Variants in RBFOX1 observed in about 807,000 individuals in gnomAD.
The protein encoded by RBFOX1 is RNA binding fox-1 homolog 1.
In RBFOX1, 8 loss-of-function variants were observed where a neutral mutation model predicts 57.7. That is an observed-to-expected ratio of 0.14 (90% CI 0.08 to 0.25). The LOEUF (loss-of-function observed/expected upper bound fraction) is 0.25. Ranked by LOEUF, RBFOX1 falls within the 10% of genes least tolerant of loss-of-function variation. RBFOX1 has a pLI of 1.00. For synonymous variants in RBFOX1, 326 were observed against 222.4 expected, an observed-to-expected ratio of 1.47 and a Z score of -4.15; for missense variants, 611 against 548.5, an observed-to-expected ratio of 1.11 and a Z score of -1.14.
chr16:7,440,414 C>G (rs1295829951), intron 4 of RBFOX1, among the ~76,000 whole-genome samples: 1 of 152,072 alleles, frequency 6.6e-6, no homozygotes, highest in Non-Finnish European at 1.5e-5. Flanking sequence ...AGAAGAAAAT[C>G]TCTCCCAAGC....
chr16:5,562,162 A>G (rs909577150), intron 2 of RBFOX1, among the ~76,000 whole-genome samples: 6 of 152,192 alleles, frequency 3.9e-5, no homozygotes, highest in African/African-American at 1.4e-4. Flanking sequence ...CATTCAGGAA[A>G]AAGAAAGATT....
rs550500630 is a variant in RBFOX1, at chr16:7,392,609, G to C, written c.28-125538G>C. ...ATGGCCCCTCCTTCTTCTTGGGCTA[G>C]AGTCAGAGCCACTTTCTCCTAATCC... On this transcript the variant is annotated intron_variant, in intron 4 of 15. Transcript: ENST00000550418. 1.8e-4 allele frequency among the ~76,000 whole-genome samples: 27 copies of C among 152,290 alleles called. No homozygotes were observed. In the East Asian group the frequency reaches 4.2e-3, roughly 24 times the overall value.
chr16:7,671,517 AT>A, intron 13 of RBFOX1: 1 of 1,547,728 alleles, frequency 6.5e-7, no homozygotes. Context: ...TATTTATTTC[AT>A]TTTTGCATTG....
intron 4 of RBFOX1, among the ~76,000 whole-genome samples, chr16:7,075,496 C>T (rs776025097): frequency 4.6e-5 from 7 of 152,040 alleles, no homozygotes; most frequent in Non-Finnish European, 8.8e-5. Flanking sequence ...TTTTTTTTGG[C>T]TTCTCTTTAA....
chr16:6,728,871 G>A (rs548037141), intron 3 of RBFOX1, among the ~76,000 whole-genome samples: 18 of 152,064 alleles, frequency 1.2e-4, no homozygotes, highest in Admixed American at 7.9e-4. Flanking sequence ...GAGAAGAACT[G>A]ATGAATTTTT....
intron 4 of RBFOX1, among the ~76,000 whole-genome samples, chr16:7,062,858 C>G (rs1386857867): frequency 7.0e-6 from 1 of 141,874 alleles, no homozygotes; most frequent in African/African-American, 2.7e-5. Context: ...ATCTATCCGT[C>G]CCTTAAGCTA....
intron 5 of RBFOX1, among the ~76,000 whole-genome samples, chr16:7,545,613 C>T (rs970756166): frequency 7.9e-5 from 12 of 152,196 alleles, no homozygotes; most frequent in African/African-American, 2.4e-4. Flanking sequence ...GTCTCCACTT[C>T]TTTCCACCTC....
exon 1 of RBFOX1, chr16:5,240,046 G>T: frequency 1.3e-6 from 2 of 1,532,190 alleles, no homozygotes; most frequent in Admixed American, 3.9e-5. Context: ...GGACGGGAAG[G>T]ACGCGCCGCG....
At chr16:6,217,627 C>T (rs375013426) in intron 1 of RBFOX1, among the ~76,000 whole-genome samples, 2 of 152,218 alleles carry the variant, frequency 1.3e-5, no homozygotes, top group Non-Finnish European at 2.9e-5. Flanking sequence ...TGCATGTTGA[C>T]GGGCTGAGTA....
chr16:6,366,136 T>C (rs1387673241), intron 2 of RBFOX1, among the ~76,000 whole-genome samples: 6 of 151,936 alleles, frequency 3.9e-5, no homozygotes. Context: ...TGCCTGCCTG[T>C]ATCTATGTCT....
At chr16:7,212,585 C>G (rs1445124219) in intron 4 of RBFOX1, among the ~76,000 whole-genome samples, 1 of 152,010 alleles carries the variant, frequency 6.6e-6, no homozygotes, top group Non-Finnish European at 1.5e-5. Context: ...TCTCACATCC[C>G]TTGAAGGCTG....
intron 3 of RBFOX1, among the ~76,000 whole-genome samples, chr16:6,686,572 G>A (rs2059466999): frequency 6.6e-6 from 1 of 152,176 alleles, no homozygotes; most frequent in Non-Finnish European, 1.5e-5. Context: ...CTAAAGGGGT[G>A]AACACATTCT....
intron 4 of RBFOX1, among the ~76,000 whole-genome samples, chr16:7,204,319 C>G (rs536472070): frequency 6.6e-6 from 1 of 152,286 alleles, no homozygotes; most frequent in East Asian, 1.9e-4. Flanking sequence ...GACAGGATTG[C>G]AAACACTTTA....
intron 4 of RBFOX1, among the ~76,000 whole-genome samples, chr16:7,252,474 G>A (rs950357451): frequency 6.6e-6 from 1 of 152,128 alleles, no homozygotes; most frequent in Non-Finnish European, 1.5e-5. Context: ...TTCATCGTCA[G>A]CACTGAAGTA....
intron 1 of RBFOX1, among the ~76,000 whole-genome samples, chr16:5,423,409 G>C (rs1436124069): frequency 6.6e-6 from 1 of 152,132 alleles, no homozygotes; most frequent in Non-Finnish European, 1.5e-5. Flanking sequence ...CCAAGATTCA[G>C]AACTGTTCGA....
At chr16:7,268,551 G>A (rs1045427316) in intron 4 of RBFOX1, among the ~76,000 whole-genome samples, 1 of 152,160 alleles carries the variant, frequency 6.6e-6, no homozygotes, top group African/African-American at 2.4e-5. Flanking sequence ...CAATTGACTT[G>A]CTCTTTGCAG....
chr16:5,772,188 A>G (rs1158857677), intron 3 of RBFOX1, among the ~76,000 whole-genome samples: 1 of 152,132 alleles, frequency 6.6e-6, no homozygotes, highest in Non-Finnish European at 1.5e-5. Flanking sequence ...TAAAAAACAG[A>G]GGCTAGTTTA....
chr16:7,085,086 C>T (rs564348886), intron 4 of RBFOX1, among the ~76,000 whole-genome samples: 105 of 146,158 alleles, frequency 7.2e-4, no homozygotes, highest in African/African-American at 2.7e-3. Context: ...ATATGAACGC[C>T]GTATCTAAAG....
At chr16:7,624,814 G>C (rs1192894974) in intron 10 of RBFOX1, among the ~76,000 whole-genome samples, 3 of 152,190 alleles carry the variant, frequency 2.0e-5, no homozygotes, top group Admixed American at 2.0e-4. Context: ...CCACACAGTA[G>C]AGGTTTGTTG....
Sources: allele counts gnomAD v4.1 joint callset (sites outside exome capture counted in the v4.1 genomes callset), GRCh38; gene constraint gnomAD v4.1.1; transcripts MANE v1.5; gene names NCBI Gene and HGNC (gene_info 2026-07-23, HGNC 2026-07-21).